Variants in M1AP observed in about 807,000 individuals in gnomAD.
M1AP encodes the protein meiosis 1 associated protein, also known as meiosis 1 arrest protein.
A neutral mutation model predicts 51.2 loss-of-function variants in M1AP; 39 were observed. The ratio of observed to expected loss-of-function variants is 0.76; its 90% CI spans 0.59 to 1.00. The LOEUF is 1.00. Ranked by LOEUF, M1AP falls within the 50% of genes least tolerant of loss-of-function variation. The probability of loss-of-function intolerance (pLI) is 0.00; values close to 1 mark genes in which losing one functional copy is unlikely to be tolerated. For synonymous variants in M1AP, 251 were observed against 249.2 expected, an observed-to-expected ratio of 1.01 and a Z score of -0.07; for missense variants, 545 against 641.2, an observed-to-expected ratio of 0.85 and a Z score of 1.62.
chr2:74,615,422 A>C (rs13426729), intron 2 of M1AP: 17,604 of 374,288 alleles, frequency 0.047, 1,737 homozygotes, highest in African/African-American at 0.26. Context: ...CACTCACACA[A>C]AGGGAAATCC....
intron 3 of M1AP, among the ~76,000 whole-genome samples, chr2:74,608,495 C>T (rs796404628): frequency 1.7e-4 from 26 of 152,324 alleles, no homozygotes; most frequent in African/African-American, 5.8e-4. Flanking sequence ...TGCTGAAGGA[C>T]ATCTTGGTTG....
In M1AP at chr2:74,558,387, A is replaced by G. The variant is rs987261894; in HGVS notation, c.*329T>C. On this transcript the variant is annotated 3_prime_UTR_variant, in exon 11 of 11. Transcript: ENST00000421985. ...TCTGACCTCATCCACCTGCTTACAC[A>G]GAGCTACAAGAAGAAATTCTGAGTT... The G allele has an allele frequency of 1.4e-5, 4 of 276,590 alleles. No homozygotes were observed. Among genetic ancestry groups the G allele is most frequent in the Non-Finnish European group, 2.7e-5 (4 of 147,278 alleles). The allele number at this position is 276,590 out of a possible 1,614,324, so 17.1% of individuals were successfully genotyped here.
chr2:74,618,173 T>C (rs561579540), intron 2 of M1AP, among the ~76,000 whole-genome samples: 2 of 152,142 alleles, frequency 1.3e-5, no homozygotes, highest in African/African-American at 2.4e-5. Flanking sequence ...AAGTGAGAGA[T>C]GGGTGAAGGA....
chr2:74,601,095 T>C (rs774796353), intron 4 of M1AP, among the ~76,000 whole-genome samples: 7 of 152,136 alleles, frequency 4.6e-5, no homozygotes, highest in Non-Finnish European at 1.0e-4. Context: ...ATGAGCTTTA[T>C]AAAACAAGCT....
intron 5 of M1AP, 37 bp from the exon 6 acceptor site, chr2:74,576,655 A>T: frequency 6.2e-7 from 1 of 1,606,076 alleles, no homozygotes; most frequent in East Asian, 2.2e-5. Flanking sequence ...GACACACTAC[A>T]ATTGGAGGAA....
chr2:74,579,898 C>A (rs987637811), intron 5 of M1AP, among the ~76,000 whole-genome samples: 3 of 152,138 alleles, frequency 2.0e-5, no homozygotes. Flanking sequence ...ACCTTGAACT[C>A]CTGGGTGCAA....
chr2:74,609,065 T>C (rs1292681888), intron 3 of M1AP, among the ~76,000 whole-genome samples: 1 of 152,244 alleles, frequency 6.6e-6, no homozygotes, highest in Non-Finnish European at 1.5e-5. Context: ...TCTCATTTCT[T>C]TGTGATGAGA....
intron 10 of M1AP, 84 bp from the exon 11 acceptor site, chr2:74,558,958 A>T: frequency 7.5e-7 from 1 of 1,326,490 alleles, no homozygotes. Flanking sequence ...TCCTGTCCTA[A>T]CTCTTTCCTA....
At chr2:74,644,720 C>G (rs771618592) in intron 1 of M1AP, among the ~76,000 whole-genome samples, 6 of 152,088 alleles carry the variant, frequency 3.9e-5, no homozygotes, top group Non-Finnish European at 8.8e-5. Context: ...ATATGCTAAT[C>G]TGTTGAAAGT....
At chr2:74,611,882 GTTT>G (rs1188013311) in intron 3 of M1AP, among the ~76,000 whole-genome samples, 1 of 42,912 alleles carries the variant, frequency 2.3e-5, no homozygotes, top group South Asian at 1.6e-3. Context: ...ACAAAAAAGT[GTTT>G]TTTTTTTTTT....
At chr2:74,631,401 G>A (rs1682696877) in intron 2 of M1AP, among the ~76,000 whole-genome samples, 2 of 152,084 alleles carry the variant, frequency 1.3e-5, no homozygotes, top group African/African-American at 2.4e-5. Context: ...GACAAAATTA[G>A]TGTATTTCCT....
At chr2:74,630,703 G>T (rs1013851358) in intron 2 of M1AP, among the ~76,000 whole-genome samples, 7 of 151,358 alleles carry the variant, frequency 4.6e-5, no homozygotes, top group African/African-American at 1.7e-4. Context: ...TGGTGTGTAT[G>T]TACCACATTT....
intron 1 of M1AP, among the ~76,000 whole-genome samples, chr2:74,641,440 G>A (rs928638781): frequency 2.4e-4 from 36 of 152,276 alleles, no homozygotes; most frequent in African/African-American, 8.4e-4. Flanking sequence ...ATAATGAATA[G>A]CTTTATGCTA....
At chr2:74,580,098 C>T (rs1276148452) in intron 5 of M1AP, among the ~76,000 whole-genome samples, 1 of 152,212 alleles carries the variant, frequency 6.6e-6, no homozygotes, top group Non-Finnish European at 1.5e-5. Context: ...TAAGCCACTG[C>T]ACCTAGCCTG....
chr2:74,598,381 CAATAAATA>C (rs112411965), intron 4 of M1AP, among the ~76,000 whole-genome samples: 67 of 149,296 alleles, frequency 4.5e-4, no homozygotes, highest in South Asian at 3.8e-3. Context: ...GACTCCATGT[CAATAAATA>C]AATAAATAAA....
intron 5 of M1AP, among the ~76,000 whole-genome samples, chr2:74,579,647 T>C (rs1388517565): frequency 1.3e-5 from 2 of 152,176 alleles, no homozygotes; most frequent in African/African-American, 2.4e-5. Flanking sequence ...TGTCTTACAA[T>C]TGCCATTGGC....
chr2:74,602,186 A>G (rs1573125790), intron 4 of M1AP, among the ~76,000 whole-genome samples: 2 of 152,230 alleles, frequency 1.3e-5, no homozygotes, highest in African/African-American at 4.8e-5. Context: ...GTTGACCCCA[A>G]TCACTCACAC....
chr2:74,627,637 T>C (rs1446333471), intron 2 of M1AP, among the ~76,000 whole-genome samples: 1 of 152,106 alleles, frequency 6.6e-6, no homozygotes, highest in Non-Finnish European at 1.5e-5. Flanking sequence ...GTAAAATAAA[T>C]AGAACAGCAG....
At chr2:74,586,406 G>A (rs1679711603) in intron 4 of M1AP, among the ~76,000 whole-genome samples, 2 of 152,110 alleles carry the variant, frequency 1.3e-5, no homozygotes, top group African/African-American at 4.8e-5. Flanking sequence ...TGTAACTCTT[G>A]AGCTTCATCT....
Sources: allele counts gnomAD v4.1 joint callset (sites outside exome capture counted in the v4.1 genomes callset), GRCh38; gene constraint gnomAD v4.1.1; transcripts MANE v1.5; gene names NCBI Gene and HGNC (gene_info 2026-07-23, HGNC 2026-07-21).